MSI1: variants seen among roughly 807,000 people sequenced by gnomAD.
The protein encoded by MSI1 is RNA-binding protein Musashi homolog 1.
MSI1 carries 15 observed loss-of-function variants against 54.4 expected under a neutral mutation model. The observed-to-expected ratio is 0.28, with a 90% CI of 0.18 to 0.42. The LOEUF is 0.42. MSI1 is among the 20% of genes least tolerant of loss of function. MSI1 has a pLI of 1.00. For missense variants in MSI1, 304 were observed against 506.0 expected, an observed-to-expected ratio of 0.60 and a Z score of 3.83; for synonymous variants, 200 against 196.5, an observed-to-expected ratio of 1.02 and a Z score of -0.15.
Position 120,368,527 on chromosome 12 carries a change from G to T in MSI1, c.101-254C>A, listed in dbSNP as rs917197015. Among the ~76,000 whole-genome samples, 1 of 152,028 alleles carries T rather than the reference G, an allele frequency of 6.6e-6. No homozygotes were observed. The highest frequency in any genetic ancestry group is 1.5e-5 in the Non-Finnish European group (1 of 67,970). On this transcript the variant is annotated intron_variant, in intron 2 of 14. Transcript: ENST00000257552. The surrounding 1 kb of genome is among the most constrained non-coding windows in gnomAD (Gnocchi z 6.6). ...GCTCCGGCCGGGTTCCCGCCGCTCC[G>T]GGAGCAGCCTCACAAAAGTTTGAGC...
chr12:120,357,982 G>T (rs1046133839), intron 7 of MSI1, 84 bp from the exon 8 acceptor site: 2 of 1,134,070 alleles, frequency 1.8e-6, no homozygotes, highest in African/African-American at 1.5e-5. Flanking sequence ...CAATATCCCC[G>T]CTCCTCTCTC....
intron 7 of MSI1, 32 bp from the exon 8 acceptor site, chr12:120,357,930 C>T (rs1282625067): frequency 6.2e-7 from 1 of 1,605,324 alleles, no homozygotes; most frequent in South Asian, 1.1e-5. Context: ...AAGGCAAGGT[C>T]AGAACCAGAG....
intron 12 of MSI1, 42 bp downstream of exon 12, chr12:120,347,402 CCT>C: frequency 6.2e-7 from 1 of 1,611,748 alleles, no homozygotes; most frequent in Non-Finnish European, 8.5e-7. Context: ...TTCTCTGCTC[CCT>C]GTGCTCCCTC....
At position 120,368,534 on chromosome 12, in the gene MSI1, G is replaced by A. The variant is rs951268067; in HGVS notation, c.101-261C>T. Among the ~76,000 whole-genome samples, 14 of 152,144 alleles carry A rather than the reference G, an allele frequency of 9.2e-5. No homozygotes were observed. The East Asian group carries it at 2.7e-3, about 30-fold the overall frequency. On this transcript the variant is annotated intron_variant, in intron 2 of 14. Transcript: ENST00000257552. This position sits in a 1 kb window ranked among gnomAD's most constrained non-coding sequence, Gnocchi z 6.6. Reference sequence around the variant, plus strand: ...CCGGGTTCCCGCCGCTCCGGGAGCAGCCTCACAAAAGTTTGAGCCGCAGGT... The same window carrying A: ...CCGGGTTCCCGCCGCTCCGGGAGCAACCTCACAAAAGTTTGAGCCGCAGGT...
rs750234029 is a variant in MSI1, at chr12:120,347,519, A to G, written c.791-5T>C. 50 of 1,613,918 alleles carry G rather than the reference A, an allele frequency of 3.1e-5. No individual in the cohort carries two copies. The highest frequency in any genetic ancestry group is 4.1e-5 in the Non-Finnish European group (48 of 1,179,992). Reference sequence around the variant, plus strand: ...CGTAGGCAGTGAGAGGAATGGCTGAAAGGAAAGGGATGGGCACATCAGCAT... The same window carrying G: ...CGTAGGCAGTGAGAGGAATGGCTGAGAGGAAAGGGATGGGCACATCAGCAT... On this transcript the variant is annotated splice_region_variant and splice_polypyrimidine_tract_variant and intron_variant, in intron 11 of 14. Transcript: ENST00000257552.
intron 6 of MSI1, among the ~76,000 whole-genome samples, chr12:120,361,816 G>A (rs899838712): frequency 1.1e-4 from 16 of 151,848 alleles, no homozygotes; most frequent in Non-Finnish European, 2.4e-4. Context: ...GCCTCCCCGG[G>A]CCGGTTTCAC....
Position 120,341,617 on chromosome 12 carries a change from C to A in MSI1, c.*1510G>T. On this transcript the variant is annotated 3_prime_UTR_variant, in exon 15 of 15. Coordinates refer to ENST00000257552, the MANE Select transcript of MSI1 (RefSeq NM_002442.4). ...CGTGTAGAAAATTAAAAATAAAAAC[C>A]AATAAAATGCAGCTTCTCTTTTATT... 1 of 151,212 alleles carries A rather than the reference C, an allele frequency of 6.6e-6. No homozygotes were observed. 9.4% of individuals were successfully genotyped at this position (151,212 alleles called of 1,614,324 possible).
intron 4 of MSI1, among the ~76,000 whole-genome samples, chr12:120,366,298 G>C (rs1165813349): frequency 6.6e-6 from 1 of 152,072 alleles, no homozygotes; most frequent in African/African-American, 2.4e-5. Flanking sequence ...CCTCCTACAG[G>C]CTCCCCCACT....
intron 4 of MSI1, among the ~76,000 whole-genome samples, chr12:120,365,441 CAA>C (rs767562505): frequency 6.6e-6 from 1 of 151,720 alleles, no homozygotes; most frequent in East Asian, 1.9e-4. Flanking sequence ...AAAACAAAAA[CAA>C]AAAAAATGTA....
intron 11 of MSI1, 101 bp from the exon 12 acceptor site, chr12:120,347,615 C>G (rs1005685234): frequency 2.1e-6 from 3 of 1,423,806 alleles, no homozygotes; most frequent in Non-Finnish European, 3.0e-6. Context: ...CCTGGCCCTA[C>G]CTCAGAGGGT....
At chr12:120,364,592 C>A in intron 5 of MSI1, 122 bp downstream of exon 5, 1 of 939,282 alleles carries the variant, frequency 1.1e-6, no homozygotes, top group Non-Finnish European at 1.6e-6. Flanking sequence ...CAGCCCAGCC[C>A]ATTCCACAAA....
intron 12 of MSI1, 119 bp from the exon 13 acceptor site, chr12:120,346,441 GC>G: frequency 9.6e-7 from 1 of 1,037,522 alleles, no homozygotes; most frequent in Non-Finnish European, 1.3e-6. Flanking sequence ...AGTCCTGTGG[GC>G]CCACCTCCTG....
At chr12:120,366,515 C>T (rs1422314147) in intron 4 of MSI1, among the ~76,000 whole-genome samples, 1 of 152,152 alleles carries the variant, frequency 6.6e-6, no homozygotes, top group African/African-American at 2.4e-5. Context: ...CACACAGTCC[C>T]CCTACACAGA....
intron 4 of MSI1, among the ~76,000 whole-genome samples, chr12:120,367,718 C>T (rs1876101650): frequency 6.6e-6 from 1 of 152,060 alleles, no homozygotes; most frequent in South Asian, 2.1e-4. Flanking sequence ...CCAAGCTCTG[C>T]TCTGAGGCAT....
intron 11 of MSI1, among the ~76,000 whole-genome samples, chr12:120,350,442 TCTC>T (rs753907326): frequency 2.6e-5 from 4 of 152,130 alleles, no homozygotes; most frequent in African/African-American, 7.2e-5. Flanking sequence ...TCTCTAGGGT[TCTC>T]CTCCCCACCC....
At chr12:120,346,677 G>A (rs760105330) in intron 12 of MSI1, among the ~76,000 whole-genome samples, 4 of 151,910 alleles carry the variant, frequency 2.6e-5, no homozygotes, top group East Asian at 1.9e-4. Context: ...CCCCACTTCC[G>A]CACTTTCCCC....
At chr12:120,364,597 CACAA>C (rs1875903200) in intron 5 of MSI1, 113 bp downstream of exon 5, 10 of 1,028,374 alleles carry the variant, frequency 9.7e-6, no homozygotes, top group Non-Finnish European at 1.4e-5. Context: ...CAGCCCATTC[CACAA>C]ACACTCCAAG....
At chr12:120,358,177 A>G (rs1875304268) in intron 7 of MSI1, among the ~76,000 whole-genome samples, 1 of 152,246 alleles carries the variant, frequency 6.6e-6, no homozygotes. Context: ...AATACACTCA[A>G]CATGCTTTTT....
At chr12:120,345,959 A>G (rs1874081654) in intron 13 of MSI1, among the ~76,000 whole-genome samples, 176 bp downstream of exon 13, 1 of 152,086 alleles carries the variant, frequency 6.6e-6, no homozygotes, top group Admixed American at 6.5e-5. Flanking sequence ...GGCGATAACT[A>G]AGTGCCCACT....
Sources: gnomAD v4.1 joint callset for allele counts (sites outside exome capture counted in the v4.1 genomes callset) on GRCh38, gnomAD v4.1.1 for gene constraint, Gnocchi (gnomAD v3.1) non-coding constraint, MANE v1.5 for transcripts, NCBI Gene and HGNC (gene_info 2026-07-23, HGNC 2026-07-21) for gene names.